The following APLP2 variants were observed in gnomAD, a reference collection of about 807,000 sequenced individuals.
The protein encoded by APLP2 is CDEI box-binding protein.
A neutral mutation model predicts 89.9 loss-of-function variants in APLP2; 53 were observed. The observed-to-expected ratio is 0.59, with a 90% CI of 0.47 to 0.74. APLP2 has a LOEUF of 0.74. Ranked by LOEUF, APLP2 falls within the 30% of genes least tolerant of loss-of-function variation. The pLI is 0.00. For synonymous variants in APLP2, 372 were observed against 348.6 expected, an observed-to-expected ratio of 1.07 and a Z score of -0.75; for missense variants, 973 against 975.9, an observed-to-expected ratio of 1.00 and a Z score of 0.04.
intron 1 of APLP2, among the ~76,000 whole-genome samples, chr11:130,103,344 T>C (rs1947198940): frequency 6.7e-6 from 1 of 149,732 alleles, no homozygotes; most frequent in Admixed American, 6.6e-5. Flanking sequence ...TTAATCTTTC[T>C]GAACTCAAAA....
intron 3 of APLP2, among the ~76,000 whole-genome samples, chr11:130,110,926 T>TA (rs1948467833): frequency 6.6e-6 from 1 of 152,120 alleles, no homozygotes; most frequent in African/African-American, 2.4e-5. Context: ...CAATTGCACT[T>TA]ACGCCCTCAC....
chr11:130,110,390 C>A, intron 2 of APLP2, 148 bp from the exon 3 acceptor site: 1 of 917,582 alleles, frequency 1.1e-6, no homozygotes, highest in Non-Finnish European at 1.6e-6. Flanking sequence ...TTGATGACTT[C>A]AGTTAGAGCC....
chr11:130,086,757 A>T (rs891036096), intron 1 of APLP2, among the ~76,000 whole-genome samples: 9 of 152,196 alleles, frequency 5.9e-5, no homozygotes, highest in Non-Finnish European at 2.9e-5. Flanking sequence ...CAGTCTCTGC[A>T]ACATTTGTTG....
chr11:130,131,195 T>G (rs1371736843), intron 11 of APLP2, among the ~76,000 whole-genome samples: 2 of 152,060 alleles, frequency 1.3e-5, no homozygotes, highest in Non-Finnish European at 2.9e-5. Context: ...GCCTCCCGGG[T>G]TCAAATGATT....
At position 130,127,846 on chromosome 11, in the gene APLP2, A is replaced by T; in HGVS notation, c.1296+6A>T. The T allele has an allele frequency of 1.2e-6, 2 of 1,613,084 alleles. No individual in the cohort carries two copies. The highest frequency in any genetic ancestry group is 1.1e-5 in the South Asian group (1 of 90,988). ...AGAGGCAGACTCTGATTCAGGTAAG[A>T]TGCCTTCTCTGGGGACATAGCTTTC... On this transcript the variant is annotated splice_donor_region_variant and intron_variant, in intron 9 of 16. Coordinates refer to ENST00000338167, the MANE Select transcript of APLP2 (RefSeq NM_001142276.2).
intron 11 of APLP2, among the ~76,000 whole-genome samples, chr11:130,133,256 G>A (rs763284442): frequency 4.6e-5 from 7 of 151,864 alleles, no homozygotes; most frequent in Admixed American, 2.0e-4. Flanking sequence ...CCAGGTAGCC[G>A]TGACTGCAGG....
Position 130,084,004 on chromosome 11 carries a change from T to C in APLP2, c.105+13922T>C, listed in dbSNP as rs540524712. 2.4e-4 allele frequency among the ~76,000 whole-genome samples: 36 copies of C among 152,356 alleles called. No individual in the cohort carries two copies. In the East Asian group the frequency reaches 6.2e-3, roughly 26 times the overall value. On this transcript the variant is annotated intron_variant, in intron 1 of 16. Coordinates refer to ENST00000338167, the MANE Select transcript of APLP2 (RefSeq NM_001142276.2). ...CCTCACGCCTGTAATCCCAGCACTT[T>C]GGGAGGCCGAGGCAGGCGGATCACG...
At chr11:130,118,705 A>G (rs1311291346) in intron 3 of APLP2, among the ~76,000 whole-genome samples, 1 of 152,100 alleles carries the variant, frequency 6.6e-6, no homozygotes, top group East Asian at 1.9e-4. Context: ...TACTGTTGGT[A>G]TTTTTGCTAT....
chr11:130,113,112 C>G (rs1484552227), intron 3 of APLP2, among the ~76,000 whole-genome samples: 1 of 152,224 alleles, frequency 6.6e-6, no homozygotes, highest in Non-Finnish European at 1.5e-5. Context: ...ATAGACCTTT[C>G]TCCAACTATG....
chr11:130,081,188 A>G (rs1820875136), intron 1 of APLP2, among the ~76,000 whole-genome samples: 1 of 152,132 alleles, frequency 6.6e-6, no homozygotes, highest in Non-Finnish European at 1.5e-5. Context: ...AATAATTTCC[A>G]GGTCATTACA....
At chr11:130,080,191 G>A (rs1942912402) in intron 1 of APLP2, among the ~76,000 whole-genome samples, 1 of 152,040 alleles carries the variant, frequency 6.6e-6, no homozygotes, top group Admixed American at 6.6e-5. Context: ...TAAGTTTTGG[G>A]GGAAGAGAGC....
At chr11:130,126,567 G>A (rs2135997723) in intron 7 of APLP2, 133 bp from the exon 8 acceptor site, 1 of 1,018,372 alleles carries the variant, frequency 9.8e-7, no homozygotes, top group Non-Finnish European at 1.5e-6. Flanking sequence ...AGTCTTGGCA[G>A]ATAGCAGCAC....
At position 130,123,709 on chromosome 11, in the gene APLP2, T is replaced by C; in HGVS notation, c.1020T>C (p.Tyr340=). 3.1e-6 allele frequency: 5 copies of C among 1,614,266 alleles called. No homozygotes were observed. Among genetic ancestry groups the C allele is most frequent in the Non-Finnish European group, 4.2e-6 (5 of 1,180,052 alleles). ...AGGGAAAGTGCGTGCGCTTTATATA[T>C]GGTGGCTGCGGCGGCAACAGGAACA... The part of the protein sequence containing the change: ...LSKGKCVRFI[Y]GGCGGNRNNF... Residue 340 remains tyrosine, a synonymous_variant, in exon 7 of 17, where the codon TAT becomes TAC. Coordinates refer to ENST00000338167, the MANE Select transcript of APLP2 (RefSeq NM_001142276.2). The surrounding 1 kb of genome is among the most constrained non-coding windows in gnomAD (Gnocchi z 4.0).
intron 3 of APLP2, among the ~76,000 whole-genome samples, chr11:130,111,632 G>T (rs140433059): frequency 1.3e-5 from 2 of 152,300 alleles, no homozygotes; most frequent in African/African-American, 4.8e-5. Context: ...TTTAAAATGT[G>T]TGGCAGTTAA....
chr11:130,142,706 C>T (rs979676248), intron 16 of APLP2, among the ~76,000 whole-genome samples: 4 of 152,094 alleles, frequency 2.6e-5, no homozygotes, highest in African/African-American at 9.7e-5. Flanking sequence ...CTCTGTCTCC[C>T]GGGTTCAGGT....
In APLP2 at chr11:130,070,013, G is replaced by C; in HGVS notation, c.36G>C (p.Thr12=). 1 of 1,508,756 alleles carries C rather than the reference G, an allele frequency of 6.6e-7. No homozygotes were observed. Among genetic ancestry groups the C allele is most frequent in the Non-Finnish European group, 8.8e-7 (1 of 1,134,604 alleles). 93.5% of individuals were successfully genotyped at this position (1,508,756 alleles called of 1,614,324 possible). A position where few individuals can be genotyped will look rare whatever the true frequency, so the allele number is the denominator to read the frequency against. Residue 12 remains threonine (T), a synonymous_variant, in exon 1 of 17, where the codon ACG becomes ACC. Transcript: ENST00000338167. ...AATGTAAAAA[T]GRLLLLLLVG... ...CCGGGACCGCGGCCGCCGCAGCCAC[G>C]GGCAGGCTCCTGCTTCTGCTGCTGG...
chr11:130,142,226 T>C (rs1334085917), intron 16 of APLP2, 152 bp downstream of exon 16: 2 of 931,384 alleles, frequency 2.1e-6, no homozygotes, highest in Admixed American at 6.9e-5. Context: ...GTCGTGTTTT[T>C]GGAAATCAGC....
rs907490865 is a variant in APLP2 at position 130,124,095 on chromosome 11, C to G, written c.1090+316C>G. 3.9e-5 allele frequency among the ~76,000 whole-genome samples: 6 copies of G among 152,112 alleles called. No homozygotes were observed. The South Asian group carries it at 8.3e-4, about 21-fold the overall frequency. On this transcript the variant is annotated intron_variant, in intron 7 of 16. Transcript: ENST00000338167. ...TTGTCTGGCTTTGGAGTCTGCAGGTCCCCAGGCCACTGTAGTATTGGTGGG... is the reference window on the plus strand; with the variant it reads ...TTGTCTGGCTTTGGAGTCTGCAGGTGCCCAGGCCACTGTAGTATTGGTGGG...
intron 12 of APLP2, 32 bp downstream of exon 12, chr11:130,133,760 C>G: frequency 5.9e-6 from 9 of 1,532,398 alleles, no homozygotes; most frequent in Non-Finnish European, 8.1e-6. Flanking sequence ...CAAGGTCATA[C>G]GGGACTTCTT....
Sources: gnomAD v4.1 joint callset for allele counts (sites outside exome capture counted in the v4.1 genomes callset) on GRCh38, gnomAD v4.1.1 for gene constraint, Gnocchi (gnomAD v3.1) non-coding constraint, MANE v1.5 for transcripts, NCBI Gene and HGNC (gene_info 2026-07-23, HGNC 2026-07-21) for gene names.